Variants in RP1 observed in about 807,000 individuals in gnomAD.
The protein encoded by RP1 is RP1 axonemal microtubule associated, also known as oxygen-regulated protein 1.
RP1 carries 16 observed loss-of-function variants against 14.8 expected under a neutral mutation model. The ratio of observed to expected loss-of-function variants is 1.08; its 90% CI spans 0.73 to 1.65. RP1 has a LOEUF of 1.65. RP1 is among the 40% of genes most tolerant of loss of function. RP1 has a pLI of 0.00. For synonymous variants in RP1, 876 were observed against 883.6 expected (o/e 0.99, Z 0.15); for missense variants, 2,631 against 2,535.0 (o/e 1.04, Z -0.81).
chr8:54,827,801 G>A (rs564705030), intron 24 of RP1, among the ~76,000 whole-genome samples: 1 of 152,202 alleles, frequency 6.6e-6, no homozygotes, highest in South Asian at 2.1e-4. Context: ...GGGAGGCTGA[G>A]GCGGAAGAAG....
At chr8:54,671,870 A>G (rs1443381126) in intron 7 of RP1, among the ~76,000 whole-genome samples, 1 of 152,072 alleles carries the variant, frequency 6.6e-6, no homozygotes, top group African/African-American at 2.4e-5. Flanking sequence ...TGATCGGGCC[A>G]TGTTTTCCTC....
At chr8:54,634,147 C>T (rs1585572751), downstream of RP1, among the ~76,000 whole-genome samples, 1 of 152,114 alleles carries the variant, frequency 6.6e-6, no homozygotes, top group South Asian at 2.1e-4. Flanking sequence ...ATTTTTCCTA[C>T]TATTCTACGC....
At chr8:54,599,656 T>C (rs752847351) in intron 1 of RP1, among the ~76,000 whole-genome samples, 1 of 152,152 alleles carries the variant, frequency 6.6e-6, no homozygotes, top group Non-Finnish European at 1.5e-5. Flanking sequence ...TGTTTCATCA[T>C]GTTGGCCAGG....
rs370101107 is a variant in RP1 at position 54,628,545 on chromosome 8, G to A, written c.4663G>A (p.Gly1555Arg). 9.9e-6 allele frequency: 16 copies of A among 1,613,810 alleles called. No individual in the cohort carries two copies. The African/African-American group carries it at 1.7e-4, about 18-fold the overall frequency. ...KQNSEKETNEGETKMVKMMVK... is the reference protein window; with the variant it reads ...KQNSEKETNERETKMVKMMVK... ...AAATAGTGAAAAGGAGACCAATGAA[G>A]GAGAAACTAAGATGGTAAAAATGAT... Residue 1555 changes from glycine to arginine, a missense_variant, in exon 4 of 4, where the codon GGA (glycine) becomes AGA (arginine). Gly to Arg is a moderately radical substitution (Grantham distance 125). Transcript: ENST00000220676.
At chr8:54,759,910 T>G (rs1809598087) in intron 22 of RP1, among the ~76,000 whole-genome samples, 1 of 152,172 alleles carries the variant, frequency 6.6e-6, no homozygotes, top group South Asian at 2.1e-4. Context: ...TATCGAGGGC[T>G]GCCCTGTATC....
At chr8:54,676,603 G>T (rs1807300275) in intron 8 of RP1, among the ~76,000 whole-genome samples, 1 of 152,138 alleles carries the variant, frequency 6.6e-6, no homozygotes, top group Admixed American at 6.6e-5. Flanking sequence ...GACTTTTCTA[G>T]ACTCTTACCC....
At chr8:54,661,745 T>C (rs1321819120) in intron 6 of RP1, among the ~76,000 whole-genome samples, 1 of 152,120 alleles carries the variant, frequency 6.6e-6, no homozygotes, top group African/African-American at 2.4e-5. Context: ...CCCATGAATA[T>C]CAGGTATTTT....
In RP1 at chr8:54,574,908, A is replaced by G. The variant is rs1181847460; in HGVS notation, c.-13+15588A>G. 2.6e-5 allele frequency among the ~76,000 whole-genome samples: 4 copies of G among 152,128 alleles called. No individual in the cohort carries two copies. In the East Asian group the frequency reaches 7.7e-4, roughly 29 times the overall value. ...ATGTTCAGTGCCTACCCTCCTGCTG[A>G]GAGTTTGAAGTAACAGCTAACCCTA... is the stretch of plus-strand genomic sequence containing the variant. On this transcript the variant is annotated intron_variant, in intron 1 of 22. Transcript: ENST00000636932.
At chr8:54,832,018 A>G (rs903828542) in intron 24 of RP1, among the ~76,000 whole-genome samples, 1 of 151,856 alleles carries the variant, frequency 6.6e-6, no homozygotes, top group Non-Finnish European at 1.5e-5. Context: ...AAAAATAGCC[A>G]CTATTCTTAC....
intron 24 of RP1, among the ~76,000 whole-genome samples, chr8:54,827,272 C>G (rs1476379157): frequency 6.6e-6 from 1 of 151,918 alleles, no homozygotes; most frequent in African/African-American, 2.4e-5. Context: ...TCTGTAATAA[C>G]ACAGCTTGAA....
intron 26 of RP1, among the ~76,000 whole-genome samples, chr8:54,856,296 G>C (rs1812197572): frequency 6.6e-6 from 1 of 152,166 alleles, no homozygotes; most frequent in African/African-American, 2.4e-5. Context: ...TGGGGAGACA[G>C]TGACTGAGAG....
chr8:54,813,150 G>A (rs1269748978), intron 24 of RP1, among the ~76,000 whole-genome samples: 4 of 152,208 alleles, frequency 2.6e-5, no homozygotes, highest in African/African-American at 4.8e-5. Flanking sequence ...AAATTGTCTC[G>A]AGCAGTTCCC....
chr8:54,786,535 G>A (rs1247300495), intron 24 of RP1, among the ~76,000 whole-genome samples: 3 of 151,924 alleles, frequency 2.0e-5, no homozygotes, highest in Admixed American at 2.0e-4. Context: ...GTGGTAGAGA[G>A]CAGATCAAAG....
intron 19 of RP1, among the ~76,000 whole-genome samples, chr8:54,751,596 C>T (rs141712448): frequency 1.3e-3 from 197 of 152,316 alleles, no homozygotes; most frequent in African/African-American, 4.6e-3. Flanking sequence ...GGCCATACAT[C>T]TGGTAAATAG....
At chr8:54,656,145 A>G in exon 6 of RP1, 5 of 1,535,646 alleles carry the variant, frequency 3.3e-6, no homozygotes, top group East Asian at 2.4e-5. Context: ...GATGGTTGGC[A>G]CGAGATCAAG....
rs1806230807 is a variant in RP1 at position 54,630,697 on chromosome 8, T to C, written c.*344T>C. 1 of 1,097,288 alleles carries C rather than the reference T, an allele frequency of 9.1e-7. No individual in the cohort carries two copies. 68.0% of individuals were successfully genotyped at this position (1,097,288 alleles called of 1,614,324 possible). On this transcript the variant is annotated 3_prime_UTR_variant, in exon 4 of 4. Coordinates refer to ENST00000220676, the MANE Select transcript of RP1 (RefSeq NM_006269.2). ...TCCTTTTTAAAAAATGTTGTTAGCT[T>C]GGTGTAAAATGTATATTGACTGTAT... is the stretch of plus-strand genomic sequence containing the variant.
downstream of RP1, among the ~76,000 whole-genome samples, chr8:54,632,255 T>G (rs1806261305): frequency 6.6e-6 from 1 of 152,118 alleles, no homozygotes; most frequent in South Asian, 2.1e-4. Flanking sequence ...CCAAGAAGAT[T>G]GAGGAAATCA....
rs549173173 is a variant in RP1, at chr8:54,819,204, T to A, written c.3616-18246T>A. Among the ~76,000 whole-genome samples, 3 of 152,070 alleles carry A rather than the reference T, an allele frequency of 2.0e-5. No homozygotes were observed. In the East Asian group the frequency reaches 5.8e-4, roughly 30 times the overall value. ...ATTTTCATATAGCCTGCCTTCACAC[T>A]CACTAATTCTTTCTTCTGCTTGATC... On this transcript the variant is annotated intron_variant, in intron 24 of 28. Transcript: ENST00000637698.
At position 54,674,770 on chromosome 8, in the gene RP1, C is replaced by G. The variant is rs926062906; in HGVS notation, c.1402+842C>G. 2.6e-5 allele frequency among the ~76,000 whole-genome samples: 4 copies of G among 152,012 alleles called. No homozygotes were observed. The East Asian group carries it at 7.7e-4, about 29-fold the overall frequency. ...TGAGTAAGATTAATAAAAATATGAC[C>G]AATATTCTATAGACAATACAAATAT... On this transcript the variant is annotated intron_variant, in intron 8 of 22. Coordinates refer to the RP1 transcript ENST00000636932.
Sources: gnomAD v4.1 joint callset for allele counts (sites outside exome capture counted in the v4.1 genomes callset) on GRCh38, gnomAD v4.1.1 for gene constraint, MANE v1.5 for transcripts, NCBI Gene and HGNC (gene_info 2026-07-23, HGNC 2026-07-21) for gene names.